The following CTNNA3 variants were observed in gnomAD, a reference collection of about 807,000 sequenced individuals.
CTNNA3 encodes the protein catenin alpha-3.
A neutral mutation model predicts 95.7 loss-of-function variants in CTNNA3; 76 were observed. That is an observed-to-expected ratio of 0.79 (90% CI 0.66 to 0.96). The LOEUF is 0.96. Among genes scored for constraint, CTNNA3 ranks in the 40% least tolerant of loss-of-function variants. The pLI is 0.00. For missense variants in CTNNA3, 1,191 were observed against 1,089.8 expected, an observed-to-expected ratio of 1.09 and a Z score of -1.31; for synonymous variants, 431 against 374.4, an observed-to-expected ratio of 1.15 and a Z score of -1.74.
chr10:67,061,956 A>G (rs949849219), intron 7 of CTNNA3, among the ~76,000 whole-genome samples: 2 of 111,636 alleles, frequency 1.8e-5, no homozygotes, highest in African/African-American at 3.6e-5. Flanking sequence ...ACTGTAAAAA[A>G]AATCAATCTT....
intron 13 of CTNNA3, among the ~76,000 whole-genome samples, chr10:66,185,701 G>C (rs927823996): frequency 2.0e-5 from 3 of 151,848 alleles, no homozygotes; most frequent in African/African-American, 4.8e-5. Context: ...TCAAAATTGA[G>C]TGTCTCAATG....
chr10:65,928,998 G>A (rs1487770958), intron 17 of CTNNA3, among the ~76,000 whole-genome samples: 1 of 151,876 alleles, frequency 6.6e-6, no homozygotes. Flanking sequence ...TTAACATTAG[G>A]TATATCTCCA....
chr10:66,965,861 G>T (rs759620562), intron 7 of CTNNA3, among the ~76,000 whole-genome samples: 2 of 152,068 alleles, frequency 1.3e-5, no homozygotes, highest in Non-Finnish European at 2.9e-5. Context: ...CATGAAATGT[G>T]CCTTCCCATC....
chr10:66,062,806 G>C (rs73310110), intron 15 of CTNNA3, among the ~76,000 whole-genome samples: 3 of 152,040 alleles, frequency 2.0e-5, no homozygotes, highest in Admixed American at 2.0e-4. Context: ...AGAATGTTGG[G>C]CTGCTTAGCT....
chr10:67,545,527 AT>A lies in CTNNA3; in HGVS notation c.293-5859del, dbSNP rs564256763. Among the ~76,000 whole-genome samples the A allele has an allele frequency of 3.2e-3, 481 of 152,276 alleles. 5 individuals carry two copies. The highest frequency in any genetic ancestry group is 0.011 in the African/African-American group (452 of 41,552). On this transcript the variant is annotated intron_variant, in intron 3 of 17. Coordinates refer to ENST00000433211, the MANE Select transcript of CTNNA3 (RefSeq NM_013266.4). The stretch of plus-strand genomic sequence containing the variant: ...ATATCTATTAATTCTTTAAAAACTA[AT>A]TTTTAATGCTTTAGAGACATTCAGT...
chr10:66,711,263 A>C (rs1430205414), intron 9 of CTNNA3, among the ~76,000 whole-genome samples: 1 of 151,230 alleles, frequency 6.6e-6, no homozygotes, highest in Non-Finnish European at 1.5e-5. Context: ...AGAAACAAAA[A>C]AAAAAAAAAA....
chr10:66,412,660 C>T (rs966845704), intron 11 of CTNNA3, among the ~76,000 whole-genome samples: 5 of 151,822 alleles, frequency 3.3e-5, no homozygotes, highest in Non-Finnish European at 5.9e-5. Context: ...GGGGTTTTAT[C>T]GTATTAGCCA....
At chr10:66,438,972 C>T (rs192253283) in intron 11 of CTNNA3, among the ~76,000 whole-genome samples, 25 of 152,240 alleles carry the variant, frequency 1.6e-4, no homozygotes, top group South Asian at 4.1e-4. Context: ...TTACACTTCC[C>T]GGGTGAGGTG....
intron 7 of CTNNA3, among the ~76,000 whole-genome samples, chr10:66,849,545 C>G (rs964521667): frequency 6.6e-6 from 1 of 152,092 alleles, no homozygotes; most frequent in Non-Finnish European, 1.5e-5. Context: ...AAGTAAGAAT[C>G]TAGATGAGGT....
At chr10:67,290,947 G>T (rs10762159) in intron 5 of CTNNA3, among the ~76,000 whole-genome samples, 37,964 of 151,944 alleles carry the variant, frequency 0.25, 6,909 homozygotes, top group African/African-American at 0.51. Context: ...TTGATGTGTG[G>T]GTGATGTTGA....
At position 65,920,626 on chromosome 10, in the gene CTNNA3, A is replaced by G. The variant is rs753858008; in HGVS notation, c.2401-9T>C. 2 of 1,598,634 alleles carry G rather than the reference A, an allele frequency of 1.3e-6. No individual in the cohort carries two copies. Among genetic ancestry groups the G allele is most frequent in the East Asian group, 2.2e-5 (1 of 44,574 alleles). On this transcript the variant is annotated splice_polypyrimidine_tract_variant and intron_variant, in intron 17 of 17. Transcript: ENST00000433211. ...GATGTGACACTGTCCAACTGTAGGG[A>G]AAAAAGAGAAAAAAGAGCTATTATT...
intron 5 of CTNNA3, among the ~76,000 whole-genome samples, chr10:67,490,278 A>G (rs905394282): frequency 6.6e-6 from 1 of 152,204 alleles, no homozygotes; most frequent in African/African-American, 2.4e-5. Context: ...AAAATAAATT[A>G]TTTTACCAAG....
chr10:66,350,236 A>G (rs1460590464), intron 12 of CTNNA3, among the ~76,000 whole-genome samples: 3 of 152,130 alleles, frequency 2.0e-5, no homozygotes, highest in Non-Finnish European at 4.4e-5. Flanking sequence ...ACTCACTGAA[A>G]GACACATAAG....
chr10:67,643,259 G>A (rs1839598993), intron 2 of CTNNA3, among the ~76,000 whole-genome samples: 1 of 151,900 alleles, frequency 6.6e-6, no homozygotes, highest in South Asian at 2.1e-4. Context: ...CTTATAAGTG[G>A]GAGCTGAAGG....
chr10:66,112,571 C>A (rs570022948), intron 13 of CTNNA3, among the ~76,000 whole-genome samples: 1 of 152,078 alleles, frequency 6.6e-6, no homozygotes, highest in South Asian at 2.1e-4. Context: ...ATAGTAGGAT[C>A]TTTATTTATT....
chr10:66,306,660 A>T (rs1234050971), intron 12 of CTNNA3, among the ~76,000 whole-genome samples: 2 of 152,254 alleles, frequency 1.3e-5, no homozygotes, highest in Non-Finnish European at 2.9e-5. Context: ...CTATAAAATC[A>T]TCTCACCATA....
At chr10:67,307,945 G>A (rs891239318) in intron 5 of CTNNA3, among the ~76,000 whole-genome samples, 1 of 152,148 alleles carries the variant, frequency 6.6e-6, no homozygotes, top group African/African-American at 2.4e-5. Context: ...CTTATTAATG[G>A]TAGAGTGCTA....
intron 12 of CTNNA3, among the ~76,000 whole-genome samples, chr10:66,287,952 T>C (rs2091617817): frequency 6.6e-6 from 1 of 151,174 alleles, no homozygotes. Context: ...TGTAAACATG[T>C]GATATATTTG....
chr10:66,947,059 T>G (rs1395392937), intron 7 of CTNNA3, among the ~76,000 whole-genome samples: 1 of 152,176 alleles, frequency 6.6e-6, no homozygotes, highest in Non-Finnish European at 1.5e-5. Context: ...CCCTGACTTT[T>G]ACTTAATCTC....
Sources: allele counts gnomAD v4.1 joint callset (sites outside exome capture counted in the v4.1 genomes callset), GRCh38; gene constraint gnomAD v4.1.1; transcripts MANE v1.5; gene names NCBI Gene and HGNC (gene_info 2026-07-23, HGNC 2026-07-21).